Variants in TACC2 observed in about 807,000 individuals in gnomAD.
The protein encoded by TACC2 is transforming acidic coiled-coil containing protein 2.
Under a neutral mutation model 227.3 loss-of-function variants are expected in TACC2, and 137 were observed. The ratio of observed to expected loss-of-function variants is 0.60; its 90% confidence interval spans 0.52 to 0.69. The LOEUF is 0.69. Ranked by LOEUF, TACC2 falls within the 30% of genes least tolerant of loss-of-function variation. TACC2 has a pLI of 0.00. For synonymous variants in TACC2, 1,523 were observed against 1,487.5 expected, an observed-to-expected ratio of 1.02 and a Z score of -0.55; for missense variants, 3,470 against 3,694.4, an observed-to-expected ratio of 0.94 and a Z score of 1.57.
chr10:122,134,956 T>C (rs1263593832), intron 6 of TACC2, among the ~76,000 whole-genome samples: 1 of 152,182 alleles, frequency 6.6e-6, no homozygotes, highest in East Asian at 1.9e-4. Context: ...TGGCACATGC[T>C]CTTAAGTCTC....
Position 122,210,481 on chromosome 10 carries a change from C to T in TACC2, c.6056C>T (p.Ser2019Phe), listed in dbSNP as rs1166796802. ...EGSPFRPPSH[S>F]FSAVFDEDKP... ...AGTCCCTTCCGTCCCCCGTCACACT[C>T]CTTCTCTGCCGTCTTCGATGAAGAC... is the stretch of plus-strand genomic sequence containing the variant. The change falls in exon 9 of 23, where the codon TCC (serine) becomes TTC (phenylalanine). Residue 2019 changes from serine (S) to phenylalanine (F), a missense_variant. Around this residue, in one of 10 missense-constraint regions of TACC2, gnomAD observed 593 missense variants for 636.6 expected, o/e 0.93. Coordinates refer to ENST00000369005, the MANE Select transcript of TACC2 (RefSeq NM_206862.4). The surrounding 1 kb of genome is among the most constrained non-coding windows in gnomAD (Gnocchi z 4.6). The T allele has an allele frequency of 6.2e-7, 1 of 1,614,126 alleles. No homozygotes were observed. The highest frequency in any genetic ancestry group is 2.2e-5 in the East Asian group (1 of 44,866).
intron 5 of TACC2, among the ~76,000 whole-genome samples, chr10:122,104,639 G>A (rs1050503995): frequency 4.6e-5 from 7 of 152,186 alleles, no homozygotes; most frequent in East Asian, 3.8e-4. Flanking sequence ...CCAAAGTGCC[G>A]GGATTACAGG....
chr10:122,105,394 G>C (rs948689344), intron 5 of TACC2, among the ~76,000 whole-genome samples: 1 of 152,156 alleles, frequency 6.6e-6, no homozygotes, highest in East Asian at 1.9e-4. Context: ...AGGGGGAAGT[G>C]ATCAGGGGAG....
At chr10:121,996,124 G>A (rs1953448938) in intron 1 of TACC2, among the ~76,000 whole-genome samples, 1 of 152,068 alleles carries the variant, frequency 6.6e-6, no homozygotes. Flanking sequence ...GAGTGCAGTG[G>A]TCCAGTGTAG....
chr10:122,047,006 G>T (rs1038986471), intron 2 of TACC2, among the ~76,000 whole-genome samples: 9 of 152,060 alleles, frequency 5.9e-5, no homozygotes, highest in Non-Finnish European at 1.0e-4. Flanking sequence ...TATAGATAAA[G>T]AATCTTGGCC....
rs151268273 is a variant in TACC2 at position 122,021,962 on chromosome 10, G to A, written c.-20G>A. ...TCACCTCTGACAAAATTCTGGGGAC[G>A]CTGGGAACACTGAATCAACATGGGC... On this transcript the variant is annotated 5_prime_UTR_variant, in exon 2 of 23. Coordinates refer to ENST00000369005, the MANE Select transcript of TACC2 (RefSeq NM_206862.4). 27 of 1,613,854 alleles carry A rather than the reference G, an allele frequency of 1.7e-5. No individual in the cohort carries two copies. In the African/African-American group the frequency reaches 3.2e-4, roughly 19 times the overall value.
intron 5 of TACC2, among the ~76,000 whole-genome samples, chr10:122,119,287 C>T (rs1017252518): frequency 1.3e-5 from 2 of 152,174 alleles, no homozygotes; most frequent in African/African-American, 4.8e-5. Flanking sequence ...AATGAACTTG[C>T]CTAGGGCTTA....
At chr10:121,996,701 C>T (rs917892073) in intron 1 of TACC2, among the ~76,000 whole-genome samples, 3 of 152,100 alleles carry the variant, frequency 2.0e-5, no homozygotes, top group African/African-American at 7.2e-5. Context: ...GAACGAGGTC[C>T]TCTAAATCTG....
chr10:122,112,869 G>A (rs954342649), intron 5 of TACC2, among the ~76,000 whole-genome samples: 4 of 152,048 alleles, frequency 2.6e-5, no homozygotes, highest in Non-Finnish European at 4.4e-5. Flanking sequence ...GCGTCTGGGC[G>A]CGCCCGGCCC....
intron 5 of TACC2, among the ~76,000 whole-genome samples, chr10:122,089,752 A>G (rs1310461968): frequency 6.6e-6 from 1 of 152,158 alleles, no homozygotes; most frequent in African/African-American, 2.4e-5. Flanking sequence ...AAATGATCTG[A>G]TTCATATTTT....
chr10:122,164,048 G>A, intron 7 of TACC2: 1 of 1,547,032 alleles, frequency 6.5e-7, no homozygotes, highest in Non-Finnish European at 8.7e-7. Flanking sequence ...GAGGATGCCC[G>A]GGCTTTGTTA....
At chr10:122,095,830 C>T (rs1271873793) in intron 5 of TACC2, among the ~76,000 whole-genome samples, 1 of 152,208 alleles carries the variant, frequency 6.6e-6, no homozygotes, top group African/African-American at 2.4e-5. Flanking sequence ...TGCTAGCGAG[C>T]ACTTGAAATG....
At chr10:122,040,181 G>A (rs890337841) in intron 2 of TACC2, among the ~76,000 whole-genome samples, 4 of 152,124 alleles carry the variant, frequency 2.6e-5, no homozygotes, top group Non-Finnish European at 5.9e-5. Context: ...GTATAACCAC[G>A]GCTCTAAAGG....
At chr10:122,133,870 C>T (rs1163587068) in intron 6 of TACC2, among the ~76,000 whole-genome samples, 1 of 152,154 alleles carries the variant, frequency 6.6e-6, no homozygotes, top group African/African-American at 2.4e-5. Context: ...TCTCTGGAAC[C>T]GCAGTACCCA....
At chr10:122,100,218 C>T (rs1052811388) in intron 5 of TACC2, among the ~76,000 whole-genome samples, 4 of 150,384 alleles carry the variant, frequency 2.7e-5, no homozygotes, top group African/African-American at 4.9e-5. Flanking sequence ...GAGCCGAGAT[C>T]GTGCCATTGC....
chr10:122,152,999 C>CTTTCTTTTTTTTTTTTTT lies in TACC2; in HGVS notation c.5834+9296_5834+9297insCTTTTTTTTTTTTTTTTT, dbSNP rs71026005. Reference sequence around the variant, plus strand: ...GCTTTTGATATATATTTCTTTCTTTCTTTTTTTTTTGAGACGGAGTCTCAC... The same window carrying CTTTCTTTTTTTTTTTTTT: ...GCTTTTGATATATATTTCTTTCTTTCTTTCTTTTTTTTTTTTTTTTTTTTTTTTGAGACGGAGTCTCAC... On this transcript the variant is annotated intron_variant, in intron 7 of 22. Transcript: ENST00000369005. Among the ~76,000 whole-genome samples, 116 of 135,024 alleles carry CTTTCTTTTTTTTTTTTTT rather than the reference C, an allele frequency of 8.6e-4. 2 individuals carry two copies. Among genetic ancestry groups the CTTTCTTTTTTTTTTTTTT allele is most frequent in the East Asian group, 2.3e-3 (10 of 4,264 alleles). The allele number at this position is 135,024 out of a possible 152,430, so 88.6% of individuals were successfully genotyped here.
intron 3 of TACC2, among the ~76,000 whole-genome samples, chr10:122,060,361 G>T (rs1481862693): frequency 2.6e-5 from 4 of 152,228 alleles, no homozygotes. Context: ...TGGAACTAGG[G>T]CAGGGTTTCT....
rs117963182 is a variant in TACC2 at position 122,152,375 on chromosome 10, T to C, written c.5834+8669T>C. Among the ~76,000 whole-genome samples the C allele has an allele frequency of 5.4e-3, 828 of 152,148 alleles. 6 individuals are homozygous for C. The highest frequency in any genetic ancestry group is 9.2e-3 in the Non-Finnish European group (628 of 67,984). On this transcript the variant is annotated intron_variant, in intron 7 of 22. Coordinates refer to ENST00000369005, the MANE Select transcript of TACC2 (RefSeq NM_206862.4). ...ACAAAAAGAAATAAGCAAACACAAA[T>C]GAAAGGGGGAAGTCTCCCAGGTCGG... is the stretch of plus-strand genomic sequence containing the variant.
Position 122,048,821 on chromosome 10 carries a change from A to C in TACC2, c.34-1617A>C, listed in dbSNP as rs149186936. On this transcript the variant is annotated intron_variant, in intron 2 of 22. Transcript: ENST00000369005. The stretch of plus-strand genomic sequence containing the variant: ...GCTAGATTTAAGCAAGGTAGAAAGA[A>C]ATGAGCTCTTGTGCTGTCTTCAAAT... 5.9e-5 allele frequency among the ~76,000 whole-genome samples: 9 copies of C among 152,324 alleles called. No individual in the cohort carries two copies. The East Asian group carries it at 1.4e-3, about 23-fold the overall frequency.
Sources: allele counts gnomAD v4.1 joint callset (sites outside exome capture counted in the v4.1 genomes callset), GRCh38; gene constraint gnomAD v4.1.1; regional missense constraint gnomAD v4.1.1; non-coding constraint Gnocchi (gnomAD v3.1); transcripts MANE v1.5; gene names NCBI Gene and HGNC (gene_info 2026-07-23, HGNC 2026-07-21).